The following DNM3 variants were observed in gnomAD, a reference collection of about 807,000 sequenced individuals.
The protein encoded by DNM3 is dynamin 3.
A neutral mutation model predicts 101.6 loss-of-function variants in DNM3; 47 were observed. The ratio of observed to expected loss-of-function variants is 0.46; its 90% CI spans 0.37 to 0.59. DNM3 has a LOEUF of 0.59. Among genes scored for constraint, DNM3 ranks in the 20% least tolerant of loss-of-function variants. The pLI is 0.00. For synonymous variants in DNM3, 385 were observed against 387.9 expected, an observed-to-expected ratio of 0.99 and a Z score of 0.09; for missense variants, 849 against 1,085.7, an observed-to-expected ratio of 0.78 and a Z score of 3.06.
At chr1:172,360,912 G>A (rs999461455) in intron 17 of DNM3, among the ~76,000 whole-genome samples, 4 of 152,016 alleles carry the variant, frequency 2.6e-5, no homozygotes, top group Admixed American at 2.6e-4. Context: ...GAACTCATTA[G>A]TCCCAAAAGG....
intron 17 of DNM3, among the ~76,000 whole-genome samples, chr1:172,346,122 C>CAAAAAAAAAAAAAAA (rs554868535): frequency 1.1e-5 from 1 of 92,162 alleles, no homozygotes; most frequent in African/African-American, 3.8e-5. Context: ...GACTCCGTCT[C>CAAAAAAAAAAAAAAA]AAAAAAAAAA....
At chr1:172,081,925 A>G (rs116869645) in intron 12 of DNM3, 23 bp downstream of exon 12, 19 of 1,607,450 alleles carry the variant, frequency 1.2e-5, no homozygotes, top group Non-Finnish European at 1.6e-5. Flanking sequence ...CTTGATGGCC[A>G]CATGCATTCC....
chr1:171,884,370 A>G (rs1219952197), intron 1 of DNM3, among the ~76,000 whole-genome samples: 1 of 152,240 alleles, frequency 6.6e-6, no homozygotes, highest in South Asian at 2.1e-4. Flanking sequence ...TGGACCCATT[A>G]GGATTAATCA....
chr1:172,293,703 G>A (rs1004049166), intron 15 of DNM3, among the ~76,000 whole-genome samples: 2 of 152,074 alleles, frequency 1.3e-5, no homozygotes, highest in Admixed American at 6.6e-5. Flanking sequence ...ATGAGGCTTC[G>A]AAAATGGGTA....
At chr1:171,884,960 T>A (rs1431329812) in intron 1 of DNM3, among the ~76,000 whole-genome samples, 4 of 152,216 alleles carry the variant, frequency 2.6e-5, no homozygotes, top group African/African-American at 9.6e-5. Flanking sequence ...ACATGTTCCT[T>A]GATGTCAGGG....
At chr1:171,886,567 G>T (rs2036796017) in intron 1 of DNM3, among the ~76,000 whole-genome samples, 1 of 151,954 alleles carries the variant, frequency 6.6e-6, no homozygotes. Flanking sequence ...GCCAATCACT[G>T]CTTGCTTGAA....
intron 14 of DNM3, among the ~76,000 whole-genome samples, chr1:172,157,405 G>A (rs184362964): frequency 9.1e-4 from 139 of 152,200 alleles, no homozygotes; most frequent in Middle Eastern, 3.4e-3. Flanking sequence ...TACTGCGTTC[G>A]TGGTTCAGGG....
intron 3 of DNM3, among the ~76,000 whole-genome samples, chr1:171,988,535 T>TA (rs529113677): frequency 0.039 from 5,723 of 145,772 alleles, 363 homozygotes; most frequent in African/African-American, 0.13. Context: ...AACTTTCTAT[T>TA]AAAAAAAAAA....
chr1:171,854,992 G>A (rs964367957), intron 1 of DNM3, among the ~76,000 whole-genome samples: 8 of 152,072 alleles, frequency 5.3e-5, no homozygotes, highest in South Asian at 4.1e-4. Flanking sequence ...GTACTAAATC[G>A]AGTACCTAAT....
chr1:172,253,102 AT>A (rs1051305008), intron 14 of DNM3, among the ~76,000 whole-genome samples: 4 of 152,268 alleles, frequency 2.6e-5, no homozygotes, highest in African/African-American at 7.2e-5. Flanking sequence ...TAGGCTGCAA[AT>A]AAAACAAGAA....
intron 14 of DNM3, among the ~76,000 whole-genome samples, chr1:172,232,511 C>T (rs1388209690): frequency 6.6e-6 from 1 of 152,030 alleles, no homozygotes; most frequent in South Asian, 2.1e-4. Context: ...TATCCAGGAA[C>T]TGAACTCCGC....
intron 14 of DNM3, among the ~76,000 whole-genome samples, chr1:172,236,859 T>C (rs186093662): frequency 3.3e-5 from 5 of 152,268 alleles, no homozygotes; most frequent in Non-Finnish European, 4.4e-5. Context: ...TTCTGTCAGC[T>C]TCTTGAGGAT....
intron 1 of DNM3, among the ~76,000 whole-genome samples, chr1:171,878,476 C>A (rs2035972594): frequency 6.6e-6 from 1 of 151,498 alleles, no homozygotes; most frequent in African/African-American, 2.4e-5. Context: ...TGAAACTTAC[C>A]TCTCTCAGAT....
rs1174182197 is a variant in DNM3, at chr1:172,154,441, C to T, written c.1659+23153C>T. On this transcript the variant is annotated intron_variant, in intron 14 of 20. Transcript: ENST00000627582. ...TGCCATCTGACTTAAAATTCACTCACGGAGTAGTTTATTTAGATGTGTGTT... is the reference window on the plus strand; with the variant it reads ...TGCCATCTGACTTAAAATTCACTCATGGAGTAGTTTATTTAGATGTGTGTT... 1.1e-4 allele frequency among the ~76,000 whole-genome samples: 17 copies of T among 152,038 alleles called. 1 individual carries two copies. Among genetic ancestry groups the T allele is most frequent in the Admixed American group, 6.6e-4 (10 of 15,232 alleles).
At chr1:172,158,356 TGGA>T (rs1426701081) in intron 14 of DNM3, among the ~76,000 whole-genome samples, 1 of 151,866 alleles carries the variant, frequency 6.6e-6, no homozygotes, top group East Asian at 1.9e-4. Context: ...GAAGGTTTCT[TGGA>T]GGAGAAGGTA....
At chr1:172,217,609 TTTC>T (rs1174552106) in intron 14 of DNM3, among the ~76,000 whole-genome samples, 4 of 152,256 alleles carry the variant, frequency 2.6e-5, no homozygotes, top group Admixed American at 1.3e-4. Context: ...TCAAACTCTC[TTTC>T]TTCTTCTCCT....
intron 1 of DNM3, among the ~76,000 whole-genome samples, chr1:171,901,015 A>T (rs1390793441): frequency 6.7e-6 from 1 of 148,216 alleles, no homozygotes; most frequent in African/African-American, 2.5e-5. Flanking sequence ...CGGGAGGCTG[A>T]GGCAGGAGAA....
At chr1:172,368,808 C>A (rs12132925) in intron 17 of DNM3, among the ~76,000 whole-genome samples, 12,391 of 151,786 alleles carry the variant, frequency 0.082, 566 homozygotes, top group South Asian at 0.14. Flanking sequence ...AATATTACAA[C>A]TGATACTTCA....
intron 12 of DNM3, among the ~76,000 whole-genome samples, chr1:172,085,814 C>T (rs943020510): frequency 1.3e-5 from 2 of 152,092 alleles, no homozygotes; most frequent in Admixed American, 6.6e-5. Flanking sequence ...CCTTTACATT[C>T]TTAGTTTATT....
Sources: allele counts gnomAD v4.1 joint callset (sites outside exome capture counted in the v4.1 genomes callset), GRCh38; gene constraint gnomAD v4.1.1; transcripts MANE v1.5; gene names NCBI Gene and HGNC (gene_info 2026-07-23, HGNC 2026-07-21).